The following CTIF variants were observed in gnomAD, a reference collection of about 807,000 sequenced individuals.
CTIF encodes CBP80/20-dependent translation initiation factor.
A neutral mutation model predicts 66.0 loss-of-function variants in CTIF; 21 were observed. The observed-to-expected ratio is 0.32, with a 90% CI of 0.23 to 0.46. CTIF has a LOEUF of 0.46. Ranked by LOEUF, CTIF falls within the 20% of genes least tolerant of loss-of-function variation. The pLI is 1.00. For missense variants in CTIF, 739 were observed against 812.7 expected, an observed-to-expected ratio of 0.91 and a Z score of 1.10; for synonymous variants, 345 against 326.4, an observed-to-expected ratio of 1.06 and a Z score of -0.62.
intron 7 of CTIF, among the ~76,000 whole-genome samples, chr18:48,751,383 C>G (rs55711915): frequency 1.3e-5 from 2 of 152,170 alleles, no homozygotes; most frequent in African/African-American, 4.8e-5. Flanking sequence ...TGATTCTTGT[C>G]CTGGGATAAA....
intron 5 of CTIF, 90 bp downstream of exon 5, chr18:48,664,641 A>G: frequency 9.1e-7 from 1 of 1,093,726 alleles, no homozygotes; most frequent in South Asian, 1.3e-5. Flanking sequence ...TCTGCTGCAC[A>G]GGGGACTCAG....
At chr18:48,709,745 T>A (rs1482454501) in intron 6 of CTIF, among the ~76,000 whole-genome samples, 4 of 152,182 alleles carry the variant, frequency 2.6e-5, no homozygotes, top group Non-Finnish European at 1.5e-5. Flanking sequence ...TTTTCCTTAT[T>A]TGTGTTTTGT....
intron 3 of CTIF, among the ~76,000 whole-genome samples, chr18:48,638,793 C>A (rs192011271): frequency 6.6e-6 from 1 of 152,378 alleles, no homozygotes; most frequent in African/African-American, 2.4e-5. Flanking sequence ...CATATTAAAT[C>A]CTTTCTTGAC....
intron 3 of CTIF, among the ~76,000 whole-genome samples, chr18:48,662,908 G>A (rs1440233876): frequency 2.0e-5 from 3 of 152,158 alleles, no homozygotes; most frequent in Admixed American, 6.5e-5. Context: ...ATCAGCTGAT[G>A]ACAGGCATGT....
chr18:48,642,751 T>A (rs1464624307), intron 3 of CTIF, among the ~76,000 whole-genome samples: 1 of 152,198 alleles, frequency 6.6e-6, no homozygotes, highest in Non-Finnish European at 1.5e-5. Flanking sequence ...ACATTAACAT[T>A]AAACAACCAA....
At chr18:48,713,237 C>A (rs2092246546) in intron 7 of CTIF, among the ~76,000 whole-genome samples, 1 of 152,132 alleles carries the variant, frequency 6.6e-6, no homozygotes, top group Non-Finnish European at 1.5e-5. Flanking sequence ...GCCTCTGGCC[C>A]TGTAGTCTCT....
At position 48,655,090 on chromosome 18, in the gene CTIF, T is replaced by G. The variant is rs1238363174; in HGVS notation, c.253-8662T>G. ...ATACCTATATAACAAACCTGCGCAT[T>G]GTGCACATGTACCCTAGAACTTAAA... On this transcript the variant is annotated intron_variant, in intron 3 of 11. Transcript: ENST00000256413. 4.0e-5 allele frequency among the ~76,000 whole-genome samples: 6 copies of G among 151,778 alleles called. No individual in the cohort carries two copies. In the East Asian group the frequency reaches 1.2e-3, roughly 29 times the overall value.
chr18:48,748,840 G>A (rs1907508876), intron 7 of CTIF, among the ~76,000 whole-genome samples: 1 of 152,134 alleles, frequency 6.6e-6, no homozygotes, highest in South Asian at 2.1e-4. Flanking sequence ...TCTAACTGTT[G>A]GTCAGTGATC....
At chr18:48,810,804 A>T (rs1178579782) in intron 9 of CTIF, among the ~76,000 whole-genome samples, 1 of 151,118 alleles carries the variant, frequency 6.6e-6, no homozygotes, top group Non-Finnish European at 1.5e-5. Flanking sequence ...TCTCTTTATT[A>T]TGGATTGTAT....
intron 9 of CTIF, among the ~76,000 whole-genome samples, chr18:48,781,618 C>A (rs1911231772): frequency 6.6e-6 from 1 of 152,140 alleles, no homozygotes; most frequent in African/African-American, 2.4e-5. Context: ...CCTATGGAGC[C>A]AGCAGCAGGG....
At chr18:48,675,390 G>A (rs1166632957) in intron 6 of CTIF, among the ~76,000 whole-genome samples, 2 of 152,182 alleles carry the variant, frequency 1.3e-5, no homozygotes, top group South Asian at 2.1e-4. Flanking sequence ...CGCCAGGATC[G>A]GTGGCTGTAT....
At chr18:48,816,231 C>T (rs1031913196) in intron 9 of CTIF, among the ~76,000 whole-genome samples, 17 of 152,162 alleles carry the variant, frequency 1.1e-4, no homozygotes, top group African/African-American at 2.9e-4. Context: ...AAATATTTAA[C>T]GCCTCACATC....
intron 1 of CTIF, among the ~76,000 whole-genome samples, chr18:48,573,467 T>C (rs186815689): frequency 2.6e-5 from 4 of 152,366 alleles, no homozygotes; most frequent in African/African-American, 9.6e-5. Context: ...TTTTTGTACA[T>C]GTGTAATGTT....
intron 6 of CTIF, among the ~76,000 whole-genome samples, chr18:48,690,917 A>G (rs1249228817): frequency 1.3e-5 from 2 of 152,140 alleles, no homozygotes; most frequent in African/African-American, 4.8e-5. Flanking sequence ...GGTGCCAGTC[A>G]AATCTAAGGG....
intron 1 of CTIF, among the ~76,000 whole-genome samples, chr18:48,593,167 T>C (rs893932124): frequency 6.6e-6 from 1 of 152,070 alleles, no homozygotes. Flanking sequence ...CTCTGGTCAG[T>C]GTACAGTTGG....
intron 7 of CTIF, among the ~76,000 whole-genome samples, chr18:48,754,668 C>A (rs570439214): frequency 5.9e-5 from 9 of 152,246 alleles, no homozygotes; most frequent in Non-Finnish European, 8.8e-5. Context: ...GAGGTGGACT[C>A]CCTGGCTTCC....
intron 6 of CTIF, among the ~76,000 whole-genome samples, chr18:48,681,620 G>A (rs549167561): frequency 1.3e-5 from 2 of 152,252 alleles, no homozygotes; most frequent in Admixed American, 6.5e-5. Flanking sequence ...TTAGCCCAGG[G>A]CCTGCTGGCA....
At chr18:48,672,697 A>C (rs1189781514) in intron 6 of CTIF, among the ~76,000 whole-genome samples, 7 of 152,066 alleles carry the variant, frequency 4.6e-5, no homozygotes, top group African/African-American at 1.7e-4. Flanking sequence ...CCCATTGCCT[A>C]CCTGCCCTCC....
At chr18:48,841,287 C>T (rs2068935492) in intron 10 of CTIF, among the ~76,000 whole-genome samples, 1 of 152,156 alleles carries the variant, frequency 6.6e-6, no homozygotes, top group African/African-American at 2.4e-5. Context: ...TGGAGCGGCC[C>T]CTGGGCTCTG....
Sources: allele counts gnomAD v4.1 joint callset (sites outside exome capture counted in the v4.1 genomes callset), GRCh38; gene constraint gnomAD v4.1.1; transcripts MANE v1.5; gene names NCBI Gene and HGNC (gene_info 2026-07-23, HGNC 2026-07-21).